EBF1: variants seen among roughly 807,000 people sequenced by gnomAD.
EBF1 encodes the protein transcription factor COE1.
EBF1 carries 10 observed loss-of-function variants against 68.4 expected under a neutral mutation model. The ratio of observed to expected loss-of-function variants is 0.15; its 90% confidence interval spans 0.09 to 0.25. The LOEUF (loss-of-function observed/expected upper bound fraction) is 0.25. EBF1 is among the 10% of genes least tolerant of loss of function. EBF1 has a pLI of 1.00. For missense variants in EBF1, 509 were observed against 794.4 expected, an observed-to-expected ratio of 0.64 and a Z score of 4.32; for synonymous variants, 298 against 299.8, an observed-to-expected ratio of 0.99 and a Z score of 0.06.
intron 13 of EBF1, among the ~76,000 whole-genome samples, chr5:158,712,687 A>G (rs1308491799): frequency 3.3e-5 from 5 of 152,116 alleles, no homozygotes; most frequent in Non-Finnish European, 7.3e-5. Flanking sequence ...TGGGCCCTCA[A>G]AACTTTAATT....
At chr5:158,941,256 A>G (rs1328792147) in intron 6 of EBF1, 1 of 456,056 alleles carries the variant, frequency 2.2e-6, no homozygotes. Context: ...TTAGACCCAA[A>G]CAATGCAGAC....
chr5:158,807,233 C>T (rs1781752444), intron 8 of EBF1, among the ~76,000 whole-genome samples: 1 of 152,116 alleles, frequency 6.6e-6, no homozygotes, highest in South Asian at 2.1e-4. Flanking sequence ...AATCTCCAAT[C>T]CCTCCAATGA....
rs1022658984 is a variant in EBF1 at position 159,099,819 on chromosome 5, CTTTTTT to C, written c.-347_-342del. ...TTTGGGTGCTTTTTTTTTTTTTTTG[CTTTTTT>C]TTTTTTTTTTTTGTAATGATCACAG... On this transcript the variant is annotated 5_prime_UTR_variant, in exon 1 of 16. Transcript: ENST00000313708. 3 of 40,830 alleles carry C rather than the reference CTTTTTT, an allele frequency of 7.3e-5. No individual in the cohort carries two copies. Among genetic ancestry groups the C allele is most frequent in the Non-Finnish European group, 1.4e-4 (3 of 21,346 alleles). The allele number at this position is 40,830 out of a possible 1,614,324, so 2.5% of individuals were successfully genotyped here.
chr5:159,092,731 G>GA (rs1473250030), intron 4 of EBF1, among the ~76,000 whole-genome samples: 5 of 152,114 alleles, frequency 3.3e-5, no homozygotes, highest in Non-Finnish European at 1.5e-5. Flanking sequence ...TCTCTGATAG[G>GA]AAAAATGTTA....
chr5:158,919,136 C>T (rs1324860458), intron 6 of EBF1, among the ~76,000 whole-genome samples: 1 of 152,192 alleles, frequency 6.6e-6, no homozygotes, highest in Non-Finnish European at 1.5e-5. Context: ...TGTGCAGACA[C>T]TCTCCAGTGC....
chr5:158,963,241 G>C (rs759911872), intron 6 of EBF1, among the ~76,000 whole-genome samples: 18 of 152,102 alleles, frequency 1.2e-4, no homozygotes, highest in Non-Finnish European at 2.1e-4. Context: ...TCTAAAGAAA[G>C]GTTCTCTACA....
rs1402642157 is a variant in EBF1 at position 158,922,343 on chromosome 5, G to C, written c.555-82233C>G. 2.6e-5 allele frequency among the ~76,000 whole-genome samples: 4 copies of C among 152,192 alleles called. No homozygotes were observed. In the East Asian group the frequency reaches 5.8e-4, roughly 22 times the overall value. ...CACTTCTAAGGAAGCTGGTGGCAGA[G>C]TGTCTGCATCTGTCATCCCCCAGGT... On this transcript the variant is annotated intron_variant, in intron 6 of 15. Coordinates refer to ENST00000313708, the MANE Select transcript of EBF1 (RefSeq NM_024007.5).
chr5:158,978,199 G>A (rs965739233), intron 6 of EBF1, among the ~76,000 whole-genome samples: 4 of 152,250 alleles, frequency 2.6e-5, no homozygotes, highest in African/African-American at 2.4e-5. Context: ...AGTGGCGAGG[G>A]CTGGCTCACT....
intron 11 of EBF1, among the ~76,000 whole-genome samples, chr5:158,722,497 T>C (rs928701705): frequency 6.6e-6 from 1 of 152,188 alleles, no homozygotes; most frequent in South Asian, 2.1e-4. Flanking sequence ...GTATGTTTGG[T>C]GTGTGTGTAT....
In EBF1 at chr5:158,887,445, ATGT is replaced by A. The variant is rs199877337; in HGVS notation, c.555-47338_555-47336del. Among the ~76,000 whole-genome samples, 656 of 152,314 alleles carry A rather than the reference ATGT, an allele frequency of 4.3e-3. 7 individuals are homozygous for A. The highest frequency in any genetic ancestry group is 0.015 in the African/African-American group (604 of 41,564). ...ACAGCCATTGTAGAAAACAACTGTAATGTTGTTGCAAAATTCTTGGGCCTAGAA... is the reference window on the plus strand; with the variant it reads ...ACAGCCATTGTAGAAAACAACTGTAATGTTGCAAAATTCTTGGGCCTAGAA... On this transcript the variant is annotated intron_variant, in intron 6 of 15. Transcript: ENST00000313708.
chr5:158,722,546 T>C (rs910754719), intron 11 of EBF1, among the ~76,000 whole-genome samples: 11 of 152,222 alleles, frequency 7.2e-5, no homozygotes, highest in Admixed American at 2.6e-4. Flanking sequence ...GGACGTATAC[T>C]ATAGGGAAAC....
intron 7 of EBF1, among the ~76,000 whole-genome samples, chr5:158,832,801 T>A (rs781781465): frequency 2.0e-5 from 3 of 152,202 alleles, no homozygotes; most frequent in Non-Finnish European, 4.4e-5. Flanking sequence ...TTCTAGAATT[T>A]ACTTGAAAAG....
chr5:158,930,851 A>G (rs1810724119), intron 6 of EBF1, among the ~76,000 whole-genome samples: 1 of 152,026 alleles, frequency 6.6e-6, no homozygotes, highest in Admixed American at 6.6e-5. Context: ...CACCTCTGCA[A>G]TTCAAAATGG....
intron 15 of EBF1, among the ~76,000 whole-genome samples, chr5:158,702,743 CAAAAAAAAAAAAA>C (rs58496050): frequency 2.2e-4 from 9 of 41,616 alleles, no homozygotes; most frequent in African/African-American, 7.3e-4. Context: ...GACTCCTTCT[CAAAAAAAAAAAAA>C]AAAAAAAAAA....
At chr5:158,917,947 G>T (rs1211039431) in intron 6 of EBF1, among the ~76,000 whole-genome samples, 1 of 152,150 alleles carries the variant, frequency 6.6e-6, no homozygotes. Context: ...TTCATCGTGG[G>T]TCCCTTTGGG....
In EBF1 at chr5:159,076,485, A is replaced by G. The variant is rs1024006675; in HGVS notation, c.486-3021T>C. ...AATGTCCCTGAGAGCAGCCAGATGA[A>G]TTGAAGCATTCCTTTCTAAGGGACC... On this transcript the variant is annotated intron_variant, in intron 5 of 15. Coordinates refer to ENST00000313708, the MANE Select transcript of EBF1 (RefSeq NM_024007.5). Among the ~76,000 whole-genome samples the G allele has an allele frequency of 2.0e-5, 3 of 152,326 alleles. No individual in the cohort carries two copies. The South Asian group carries it at 6.2e-4, about 32-fold the overall frequency.
chr5:158,942,570 G>A (rs1239641194), intron 6 of EBF1, among the ~76,000 whole-genome samples: 1 of 152,134 alleles, frequency 6.6e-6, no homozygotes, highest in Non-Finnish European at 1.5e-5. Flanking sequence ...GGGTAAGTGG[G>A]ACTGGATTAC....
At chr5:158,723,962 T>C (rs912939995) in intron 11 of EBF1, among the ~76,000 whole-genome samples, 1 of 152,076 alleles carries the variant, frequency 6.6e-6, no homozygotes, top group Admixed American at 6.5e-5. Context: ...GAATTCTAAA[T>C]GCAATTTCAG....
chr5:159,077,074 C>G (rs1778903527), intron 5 of EBF1, among the ~76,000 whole-genome samples: 3 of 152,132 alleles, frequency 2.0e-5, no homozygotes, highest in African/African-American at 4.8e-5. Flanking sequence ...GGGGAAGAGA[C>G]AGTTTTTACA....
Sources: allele counts gnomAD v4.1 joint callset (sites outside exome capture counted in the v4.1 genomes callset), GRCh38; gene constraint gnomAD v4.1.1; transcripts MANE v1.5; gene names NCBI Gene and HGNC (gene_info 2026-07-23, HGNC 2026-07-21).